Variants in DOP1B observed in about 807,000 individuals in gnomAD.
DOP1B encodes DOP1 leucine zipper like protein B.
DOP1B carries 174 observed loss-of-function variants against 233.5 expected under a neutral mutation model. That is an observed-to-expected ratio of 0.75 (90% CI 0.66 to 0.85). The LOEUF (loss-of-function observed/expected upper bound fraction) is 0.85. Among genes scored for constraint, DOP1B ranks in the 40% least tolerant of loss-of-function variants. The probability of loss-of-function intolerance (pLI) is 0.00; values close to 1 mark genes in which losing one functional copy is unlikely to be tolerated. For missense variants in DOP1B, 2,652 were observed against 2,846.6 expected (o/e 0.93, Z 1.56); for synonymous variants, 1,190 against 1,185.6 (o/e 1.00, Z -0.08).
chr21:36,278,392 T>C, intron 30 of DOP1B, 37 bp downstream of exon 30: 1 of 1,576,918 alleles, frequency 6.3e-7, no homozygotes, highest in Non-Finnish European at 8.6e-7. Context: ...GTGCTCTGAA[T>C]CTTCAGGTGG....
At chr21:36,222,178 A>T (rs1300047166) in intron 10 of DOP1B, among the ~76,000 whole-genome samples, 1 of 151,886 alleles carries the variant, frequency 6.6e-6, no homozygotes, top group Non-Finnish European at 1.5e-5. Flanking sequence ...GGCCTTTTTC[A>T]GTATTTTTTA....
At chr21:36,198,596 C>T (rs532007451) in intron 2 of DOP1B, among the ~76,000 whole-genome samples, 8 of 152,312 alleles carry the variant, frequency 5.3e-5, no homozygotes, top group African/African-American at 1.9e-4. Context: ...GCAGACGTGT[C>T]GTGTATCCTG....
chr21:36,238,794 C>T (rs1452394913), intron 17 of DOP1B, 93 bp downstream of exon 17: 22 of 1,252,068 alleles, frequency 1.8e-5, no homozygotes, highest in African/African-American at 1.5e-4. Context: ...GGGAGAGGAG[C>T]GTGCAGTTGA....
chr21:36,292,323 C>A, intron 36 of DOP1B, 90 bp downstream of exon 36: 1 of 1,029,424 alleles, frequency 9.7e-7, no homozygotes, highest in Non-Finnish European at 1.4e-6. Flanking sequence ...GTGGTGCGGT[C>A]TTCGCTTACT....
chr21:36,181,979 C>T (rs2066103834), intron 2 of DOP1B, among the ~76,000 whole-genome samples: 1 of 152,240 alleles, frequency 6.6e-6, no homozygotes, highest in Admixed American at 6.5e-5. Flanking sequence ...CATGTCATTT[C>T]ATTACCTGAT....
chr21:36,158,682 AG>A (rs2065842374), intron 1 of DOP1B, among the ~76,000 whole-genome samples: 3 of 151,906 alleles, frequency 2.0e-5, no homozygotes, highest in African/African-American at 7.3e-5. Flanking sequence ...ATGCGCCTGT[AG>A]TCCCAGCTAC....
At chr21:36,255,155 T>A (rs1198962629) in intron 23 of DOP1B, among the ~76,000 whole-genome samples, 1 of 150,770 alleles carries the variant, frequency 6.6e-6, no homozygotes, top group African/African-American at 2.4e-5. Context: ...TTTTTCGAGA[T>A]GAAGTCTCAC....
chr21:36,246,282 G>T lies in DOP1B; in HGVS notation c.4302G>T (p.Glu1434Asp), dbSNP rs528207113. The change falls in exon 19 of 37, where the codon GAG becomes GAT. Residue 1434 changes from glutamate (E) to aspartate (D), a missense_variant. This residue lies in a region of DOP1B where 2,617 missense variants were observed against 2,794.3 expected (regional missense o/e 0.94). Transcript: ENST00000691173. The surrounding 1 kb of genome is among the most constrained non-coding windows in gnomAD (Gnocchi z 5.1). ...INLGQDQIWSEHPLQIELLKL... is the reference protein window; with the variant it reads ...INLGQDQIWSDHPLQIELLKL... Reference sequence around the variant, plus strand: ...TGGGTCAGGACCAGATCTGGAGTGAGCACCCGCTGCAGATTGAGCTGCTGA... The same window carrying T: ...TGGGTCAGGACCAGATCTGGAGTGATCACCCGCTGCAGATTGAGCTGCTGA... 6.2e-7 allele frequency: 1 copy of T among 1,613,824 alleles called. No individual in the cohort carries two copies. Among genetic ancestry groups the T allele is most frequent in the African/African-American group, 1.3e-5 (1 of 74,938 alleles).
chr21:36,233,213 GC>G, intron 15 of DOP1B, 138 bp downstream of exon 15: 6 of 1,193,698 alleles, frequency 5.0e-6, no homozygotes, highest in Non-Finnish European at 6.9e-6. Context: ...AGAGGCAGTA[GC>G]CTTTGGTCTT....
intron 28 of DOP1B, 67 bp downstream of exon 28, chr21:36,277,167 T>C (rs2067360323): frequency 1.3e-6 from 2 of 1,547,414 alleles, no homozygotes; most frequent in South Asian, 1.1e-5. Flanking sequence ...TGCAAAGACA[T>C]TTGTTCATTC....
chr21:36,192,307 CA>C (rs932064846), intron 2 of DOP1B, among the ~76,000 whole-genome samples: 72 of 149,786 alleles, frequency 4.8e-4, no homozygotes, highest in Non-Finnish European at 7.2e-4. Flanking sequence ...TGCAGTGAGC[CA>C]AGATCACACC....
chr21:36,168,742 A>G (rs2065940281), intron 2 of DOP1B, among the ~76,000 whole-genome samples: 1 of 151,872 alleles, frequency 6.6e-6, no homozygotes, highest in African/African-American at 2.4e-5. Context: ...CATCTTGGCC[A>G]GGCTGGTCTC....
intron 4 of DOP1B, among the ~76,000 whole-genome samples, chr21:36,208,149 C>T (rs76473480): frequency 0.021 from 3,145 of 152,300 alleles, 79 homozygotes; most frequent in African/African-American, 0.068. Context: ...GGAAACACCA[C>T]TCCAGGCTGA....
At position 36,264,443 on chromosome 21, in the gene DOP1B, A is replaced by G. The variant is rs148928948; in HGVS notation, c.5487+629A>G. On this transcript the variant is annotated intron_variant, in intron 26 of 36. Coordinates refer to ENST00000691173, the MANE Select transcript of DOP1B (RefSeq NM_001320714.2). ...TTTTTTAAAAAAGGAAGCTATCTCCATACATGGATATTTCTTTTTTTCTTT... is the reference window on the plus strand; with the variant it reads ...TTTTTTAAAAAAGGAAGCTATCTCCGTACATGGATATTTCTTTTTTTCTTT... Among the ~76,000 whole-genome samples, 138 of 152,072 alleles carry G rather than the reference A, an allele frequency of 9.1e-4. 1 individual carries two copies. The highest frequency in any genetic ancestry group is 3.0e-3 in the African/African-American group (125 of 41,510).
chr21:36,263,743 A>C lies in DOP1B; in HGVS notation c.5421-5A>C, dbSNP rs564533518. On this transcript the variant is annotated splice_polypyrimidine_tract_variant and splice_region_variant and intron_variant, in intron 25 of 36. Transcript: ENST00000691173. ...TTTAATCTGAAGCTGATTGTCTCCCAACAGCATGCTGAATGACTTTGTAAC... is the reference window on the plus strand; with the variant it reads ...TTTAATCTGAAGCTGATTGTCTCCCCACAGCATGCTGAATGACTTTGTAAC... The C allele has an allele frequency of 6.2e-7, 1 of 1,614,216 alleles. No individual in the cohort carries two copies. The highest frequency in any genetic ancestry group is 1.1e-5 in the South Asian group (1 of 91,084).
chr21:36,227,503 C>T lies in DOP1B; in HGVS notation c.1474-183C>T, dbSNP rs186617757. Among the ~76,000 whole-genome samples, 1,465 of 151,336 alleles carry T rather than the reference C, an allele frequency of 9.7e-3. 20 individuals carry two copies. Among genetic ancestry groups the T allele is most frequent in the African/African-American group, 0.033 (1,354 of 41,216 alleles). Reference sequence around the variant, plus strand: ...CTGAGCTTGCAGTGAGCCGAGATCGCGACACTGCACTCCAGCCTGGGCTAC... The same window carrying T: ...CTGAGCTTGCAGTGAGCCGAGATCGTGACACTGCACTCCAGCCTGGGCTAC... On this transcript the variant is annotated intron_variant, in intron 12 of 36. Coordinates refer to ENST00000691173, the MANE Select transcript of DOP1B (RefSeq NM_001320714.2).
chr21:36,170,643 T>C (rs1207461151), intron 2 of DOP1B: 1 of 150,572 alleles, frequency 6.6e-6, no homozygotes, highest in East Asian at 1.9e-4. Context: ...TATTTATTTA[T>C]AATTATCCAG....
chr21:36,257,151 C>A (rs1440289071), intron 23 of DOP1B, among the ~76,000 whole-genome samples: 1 of 152,252 alleles, frequency 6.6e-6, no homozygotes, highest in Non-Finnish European at 1.5e-5. Flanking sequence ...ACTGAGGATA[C>A]AAATGAAGGG....
chr21:36,257,494 T>G (rs1252556145), intron 23 of DOP1B, among the ~76,000 whole-genome samples: 1 of 152,080 alleles, frequency 6.6e-6, no homozygotes, highest in Non-Finnish European at 1.5e-5. Context: ...TGAACCGTAG[T>G]CAGATTAGAG....
Sources: allele counts gnomAD v4.1 joint callset (sites outside exome capture counted in the v4.1 genomes callset), GRCh38; gene constraint gnomAD v4.1.1; regional missense constraint gnomAD v4.1.1; non-coding constraint Gnocchi (gnomAD v3.1); transcripts MANE v1.5; gene names NCBI Gene and HGNC (gene_info 2026-07-23, HGNC 2026-07-21).